The following SNX1 variants were observed in gnomAD, a reference collection of about 807,000 sequenced individuals.
SNX1 encodes the protein sorting nexin 1.
In SNX1, 36 loss-of-function variants were observed where a neutral mutation model predicts 71.8. The ratio of observed to expected loss-of-function variants is 0.50; its 90% CI spans 0.38 to 0.66. SNX1 has a LOEUF of 0.66. Among genes scored for constraint, SNX1 ranks in the 30% least tolerant of loss-of-function variants. The pLI is 0.00. For missense variants in SNX1, 612 were observed against 646.7 expected, an observed-to-expected ratio of 0.95 and a Z score of 0.58; for synonymous variants, 254 against 240.7, an observed-to-expected ratio of 1.06 and a Z score of -0.51.
At chr15:64,096,219 G>C in intron 1 of SNX1, 47 bp downstream of exon 1, 9 of 1,534,286 alleles carry the variant, frequency 5.9e-6, no homozygotes, top group Non-Finnish European at 7.9e-6. Context: ...CACCCCGAAA[G>C]GGAAGAGAGG....
rs2081337806 is a variant in SNX1, at chr15:64,134,580, G to T, written c.1222-84G>T. ...CCTTGCTCAGTCTGTCCCTGGTGCAGCTGCTGGGAGAGCCTGCCTCGAGGC... is the reference window on the plus strand; with the variant it reads ...CCTTGCTCAGTCTGTCCCTGGTGCATCTGCTGGGAGAGCCTGCCTCGAGGC... On this transcript the variant is annotated intron_variant, in intron 11 of 14. Coordinates refer to ENST00000559844, the MANE Select transcript of SNX1 (RefSeq NM_003099.5). The surrounding 1 kb of genome is among the most constrained non-coding windows in gnomAD (Gnocchi z 4.1). 1.3e-6 allele frequency: 2 copies of T among 1,501,380 alleles called. No homozygotes were observed. The highest frequency in any genetic ancestry group is 2.8e-5 in the African/African-American group (2 of 72,182). 93.0% of individuals were successfully genotyped at this position (1,501,380 alleles called of 1,614,324 possible).
rs1306881491 is a variant in SNX1, at chr15:64,126,197, C to T, written c.629C>T (p.Pro210Leu). The T allele has an allele frequency of 6.8e-6, 11 of 1,613,900 alleles. No individual in the cohort carries two copies. The highest frequency in any genetic ancestry group is 1.3e-5 in the African/African-American group (1 of 74,894). The change falls in exon 6 of 15, where the codon CCG (proline) becomes CTG (leucine). Residue 210 changes from proline (P) to leucine (L), a missense_variant. By Grantham distance (98) the Pro-to-Leu change is moderately conservative. Transcript: ENST00000559844. The stretch of plus-strand genomic sequence containing the variant: ...TCTCAGAATGGCTTCATTGTCCCTC[C>T]GCCCCCGGAGAAGAGCCTCATAGGT... ...KHSQNGFIVPPPPEKSLIGMT... is the reference protein window; with the variant it reads ...KHSQNGFIVPLPPEKSLIGMT...
At position 64,096,182 on chromosome 15, in the gene SNX1, C is replaced by T. The variant is rs925832109; in HGVS notation, c.159+10C>T. The T allele has an allele frequency of 1.9e-5, 30 of 1,548,892 alleles. No individual in the cohort carries two copies. Among genetic ancestry groups the T allele is most frequent in the Non-Finnish European group, 2.4e-5 (28 of 1,146,710 alleles). ...CGGCGCCGCGGTGGTCGTGAGTTTG[C>T]ACCCCTCGGGGTAGCAGGCGGGAGG... On this transcript the variant is annotated intron_variant, in intron 1 of 14. Transcript: ENST00000559844.
At chr15:64,102,572 T>A (rs1049556950) in intron 1 of SNX1, among the ~76,000 whole-genome samples, 1 of 152,122 alleles carries the variant, frequency 6.6e-6, no homozygotes, top group Non-Finnish European at 1.5e-5. Context: ...CATTGTACCC[T>A]CTACCTCCAT....
intron 12 of SNX1, among the ~76,000 whole-genome samples, 194 bp from the exon 13 acceptor site, chr15:64,136,136 G>A (rs2081357048): frequency 6.6e-6 from 1 of 152,186 alleles, no homozygotes; most frequent in African/African-American, 2.4e-5. Context: ...CTCTTTTCCA[G>A]TCAGCCCCTA....
chr15:64,103,027 G>A lies in SNX1; in HGVS notation c.159+6855G>A, dbSNP rs552281597. 6.6e-5 allele frequency among the ~76,000 whole-genome samples: 10 copies of A among 152,028 alleles called. No individual in the cohort carries two copies. The South Asian group carries it at 1.9e-3, about 28-fold the overall frequency. On this transcript the variant is annotated intron_variant, in intron 1 of 14. Transcript: ENST00000559844. ...AGTGATGTGCCCTCCTTGGCCTCCCGAAGTGTTGGGATTACAGGTGTGAGC... is the reference window on the plus strand; with the variant it reads ...AGTGATGTGCCCTCCTTGGCCTCCCAAAGTGTTGGGATTACAGGTGTGAGC...
At chr15:64,130,854 T>A (rs192863371) in intron 10 of SNX1, among the ~76,000 whole-genome samples, 6 of 152,346 alleles carry the variant, frequency 3.9e-5, no homozygotes, top group Non-Finnish European at 8.8e-5. Flanking sequence ...TGGCAAAGTA[T>A]AATCTGGCCC....
At position 64,112,594 on chromosome 15, in the gene SNX1, A is replaced by T; in HGVS notation, c.181A>T (p.Ile61Leu). Residue 61 changes from isoleucine to leucine, a missense_variant, in exon 2 of 15, where the codon ATA becomes TTA. Ile to Leu is a conservative substitution (Grantham distance 5, BLOSUM62 2). This residue lies in a region of SNX1 where 316 missense variants were observed against 284.9 expected (regional missense o/e 1.11). Coordinates refer to ENST00000559844, the MANE Select transcript of SNX1 (RefSeq NM_003099.5). ...AVVSKHQSPK[I>L]TTSLLPINNG... ...TCAGAGTAAACATCAGTCTCCAAAG[A>T]TAACTACATCCCTTCTTCCCATCAA... 1 of 1,610,980 alleles carries T rather than the reference A, an allele frequency of 6.2e-7. No individual in the cohort carries two copies. Among genetic ancestry groups the T allele is most frequent in the East Asian group, 2.2e-5 (1 of 44,860 alleles).
chr15:64,137,093 A>G (rs1354626831), intron 14 of SNX1, among the ~76,000 whole-genome samples, 161 bp downstream of exon 14: 1 of 152,170 alleles, frequency 6.6e-6, no homozygotes, highest in African/African-American at 2.4e-5. Flanking sequence ...GACATGGAGC[A>G]TCCAACAGGG....
chr15:64,101,448 CTTTT>C (rs1727386303), intron 1 of SNX1, among the ~76,000 whole-genome samples: 1 of 152,134 alleles, frequency 6.6e-6, no homozygotes, highest in Admixed American at 6.5e-5. Context: ...AGATTTTCTT[CTTTT>C]TTAAGGCTGA....
chr15:64,118,032 G>C, intron 2 of SNX1, 85 bp from the exon 3 acceptor site: 1 of 1,318,942 alleles, frequency 7.6e-7, no homozygotes, highest in South Asian at 1.3e-5. Flanking sequence ...GCTTGCTATT[G>C]TTCTTGTAAG....
In SNX1 at chr15:64,141,028, A is replaced by G. The variant is rs1455841390; in HGVS notation, c.*3410A>G. 1 of 130,728 alleles carries G rather than the reference A, an allele frequency of 7.6e-6. No individual in the cohort carries two copies. Among genetic ancestry groups the G allele is most frequent in the African/African-American group, 3.4e-5 (1 of 29,154 alleles). 8.1% of individuals were successfully genotyped at this position (130,728 alleles called of 1,614,324 possible). On this transcript the variant is annotated 3_prime_UTR_variant, in exon 15 of 15. Coordinates refer to ENST00000559844, the MANE Select transcript of SNX1 (RefSeq NM_003099.5). The surrounding 1 kb of genome is among the most constrained non-coding windows in gnomAD (Gnocchi z 5.1). ...AGATAGATAGATAGATAGATAGATG[A>G]TAGATATAGATAGATAGATAGATTG...
At chr15:64,124,178 A>ATATATATATGTATG (rs1445871067) in intron 5 of SNX1, among the ~76,000 whole-genome samples, 3 of 123,550 alleles carry the variant, frequency 2.4e-5, no homozygotes, top group African/African-American at 8.7e-5. Context: ...ATATATATAT[A>ATATATATATGTATG]TGACTGTTTT....
intron 11 of SNX1, among the ~76,000 whole-genome samples, chr15:64,133,144 TC>T (rs2140159722): frequency 6.6e-6 from 1 of 152,350 alleles, no homozygotes; most frequent in Admixed American, 6.5e-5. Flanking sequence ...CAGAGACCCT[TC>T]ATCTGCCTAC....
At chr15:64,120,525 T>G (rs2081186381) in intron 4 of SNX1, among the ~76,000 whole-genome samples, 1 of 151,980 alleles carries the variant, frequency 6.6e-6, no homozygotes. Flanking sequence ...AAACTATTGA[T>G]TTTAGGCCAG....
intron 4 of SNX1, among the ~76,000 whole-genome samples, chr15:64,121,758 C>T (rs2081199110): frequency 6.6e-6 from 1 of 152,178 alleles, no homozygotes; most frequent in South Asian, 2.1e-4. Flanking sequence ...GCCCTGTAGT[C>T]TAGATTCTTA....
At chr15:64,112,782 A>C (rs111784504) in intron 2 of SNX1, 98 bp downstream of exon 2, 9 of 678,138 alleles carry the variant, frequency 1.3e-5, no homozygotes, top group African/African-American at 7.3e-5. Flanking sequence ...AGTATTGGGA[A>C]CATAACTTTA....
At chr15:64,133,279 A>G (rs2081325479) in intron 11 of SNX1, among the ~76,000 whole-genome samples, 1 of 152,240 alleles carries the variant, frequency 6.6e-6, no homozygotes, top group Non-Finnish European at 1.5e-5. Flanking sequence ...TAACTAACTC[A>G]GATAAGAGGT....
At position 64,129,809 on chromosome 15, in the gene SNX1, T is replaced by G. The variant is rs141122617; in HGVS notation, c.808-107T>G. ...CTTTGAAAACAATTTACAGTTCAAA[T>G]AATTTGTCTGGCAAGTTTTGGCATG... On this transcript the variant is annotated intron_variant, in intron 8 of 14. Transcript: ENST00000559844. The surrounding 1 kb of genome is among the most constrained non-coding windows in gnomAD (Gnocchi z 4.4). 1.3e-6 allele frequency: 1 copy of G among 779,544 alleles called. No individual in the cohort carries two copies. Among genetic ancestry groups the G allele is most frequent in the African/African-American group, 1.7e-5 (1 of 58,976 alleles). The allele number at this position is 779,544 out of a possible 1,614,324, so 48.3% of individuals were successfully genotyped here.
Sources: allele counts gnomAD v4.1 joint callset (sites outside exome capture counted in the v4.1 genomes callset), GRCh38; gene constraint gnomAD v4.1.1; regional missense constraint gnomAD v4.1.1; non-coding constraint Gnocchi (gnomAD v3.1); transcripts MANE v1.5; gene names NCBI Gene and HGNC (gene_info 2026-07-23, HGNC 2026-07-21).